The following ST7 variants were observed in gnomAD, a reference collection of about 807,000 sequenced individuals.
ST7 encodes the protein suppressor of tumorigenicity 7 protein.
In ST7, 28 loss-of-function variants were observed where a neutral mutation model predicts 78.7. That is an observed-to-expected ratio of 0.36 (90% CI 0.26 to 0.49). The LOEUF (loss-of-function observed/expected upper bound fraction) is 0.49. ST7 is among the 20% of genes least tolerant of loss of function. ST7 has a pLI of 0.99. For missense variants in ST7, 418 were observed against 696.0 expected (o/e 0.60, Z 4.49); for synonymous variants, 247 against 249.6 (o/e 0.99, Z 0.10).
At chr7:117,146,832 C>T (rs1012463433) in intron 9 of ST7, among the ~76,000 whole-genome samples, 25 of 152,270 alleles carry the variant, frequency 1.6e-4, no homozygotes, top group African/African-American at 5.5e-4. Context: ...CAGTTTTGAA[C>T]ATGTTACATT....
At chr7:116,968,477 G>A (rs894845016) in intron 1 of ST7, 10 of 447,732 alleles carry the variant, frequency 2.2e-5, no homozygotes, top group South Asian at 7.9e-5. Flanking sequence ...TGATTATTTC[G>A]ACTACGGGTG....
At chr7:117,182,606 G>C (rs567090989) in intron 10 of ST7, 1 of 152,262 alleles carries the variant, frequency 6.6e-6, no homozygotes, top group Non-Finnish European at 1.5e-5. Flanking sequence ...AGAATTGGAG[G>C]TGGGGGGTAT....
At chr7:116,972,576 G>T in intron 1 of ST7, 2 of 1,410,014 alleles carry the variant, frequency 1.4e-6, no homozygotes, top group Non-Finnish European at 2.0e-6. Context: ...TAGCTTCTTT[G>T]AGTTGAATTT....
At chr7:117,177,582 G>A (rs188731584) in intron 10 of ST7, among the ~76,000 whole-genome samples, 6 of 152,316 alleles carry the variant, frequency 3.9e-5, no homozygotes, top group African/African-American at 1.4e-4. Flanking sequence ...TGGCTTTGTA[G>A]CGTAAGACGA....
intron 1 of ST7, chr7:117,081,088 A>G (rs1474748672): frequency 2.0e-5 from 3 of 152,194 alleles, no homozygotes; most frequent in Non-Finnish European, 4.4e-5. Flanking sequence ...AAGAGAAAAT[A>G]AATTATATTA....
At chr7:116,978,595 C>A (rs1793809539) in intron 1 of ST7, among the ~76,000 whole-genome samples, 1 of 150,022 alleles carries the variant, frequency 6.7e-6, no homozygotes, top group African/African-American at 2.4e-5. Flanking sequence ...TCTATCTAAT[C>A]TATCTATCTA....
In ST7 at chr7:117,227,212, G is replaced by C. The variant is rs183822949; in HGVS notation, c.1639-2550G>C. 2.5e-3 allele frequency among the ~76,000 whole-genome samples: 377 copies of C among 152,320 alleles called. 3 individuals are homozygous for C. The highest frequency in any genetic ancestry group is 8.7e-3 in the African/African-American group (363 of 41,558). ...GTGTGTGTGCATCACCCAGAGTACA[G>C]ACTTTGAGCGATGCCTGTTATCTAG... On this transcript the variant is annotated intron_variant, in intron 15 of 15. Transcript: ENST00000323984.
chr7:117,228,711 A>T (rs1231349639), intron 15 of ST7, among the ~76,000 whole-genome samples: 1 of 152,136 alleles, frequency 6.6e-6, no homozygotes, highest in African/African-American at 2.4e-5. Context: ...AATATACTAA[A>T]TTTGCTTGAC....
rs776917716 is a variant in ST7, at chr7:117,136,051, A to G, written c.711-30A>G. ...CTATTACCATGTCCTTGGCTTTGTAATTGATGGTGGCTATTATCTGAATGA... is the reference window on the plus strand; with the variant it reads ...CTATTACCATGTCCTTGGCTTTGTAGTTGATGGTGGCTATTATCTGAATGA... On this transcript the variant is annotated intron_variant, in intron 7 of 15. Transcript: ENST00000323984. The G allele has an allele frequency of 2.2e-5, 36 of 1,609,170 alleles. No individual in the cohort carries two copies. The East Asian group carries it at 8.0e-4, about 36-fold the overall frequency.
At chr7:116,963,050 C>G (rs1437498753) in intron 1 of ST7, among the ~76,000 whole-genome samples, 1 of 152,198 alleles carries the variant, frequency 6.6e-6, no homozygotes, top group African/African-American at 2.4e-5. Flanking sequence ...GTCTTTTCCT[C>G]AGAAGGCTAT....
At chr7:117,208,570 G>A (rs993299874) in intron 12 of ST7, among the ~76,000 whole-genome samples, 5 of 152,070 alleles carry the variant, frequency 3.3e-5, no homozygotes, top group African/African-American at 7.2e-5. Context: ...GACACCAACC[G>A]TGCCAATGGG....
At chr7:117,041,386 T>A (rs1418784466) in intron 1 of ST7, among the ~76,000 whole-genome samples, 1 of 152,212 alleles carries the variant, frequency 6.6e-6, no homozygotes, top group Non-Finnish European at 1.5e-5. Flanking sequence ...GTCACTAAAT[T>A]AGCCAGAGCT....
intron 1 of ST7, among the ~76,000 whole-genome samples, chr7:116,997,676 G>A (rs1429651104): frequency 6.6e-6 from 1 of 152,128 alleles, no homozygotes; most frequent in East Asian, 1.9e-4. Flanking sequence ...CAAACCTTGA[G>A]CTAGACACAG....
At chr7:117,027,382 A>G (rs544767350) in intron 1 of ST7, among the ~76,000 whole-genome samples, 49 of 149,968 alleles carry the variant, frequency 3.3e-4, no homozygotes, top group Non-Finnish European at 6.3e-4. Context: ...AGAAGTTGTG[A>G]TGAGCCAAGA....
At chr7:117,021,332 A>G (rs1795903877) in intron 1 of ST7, among the ~76,000 whole-genome samples, 1 of 152,230 alleles carries the variant, frequency 6.6e-6, no homozygotes, top group African/African-American at 2.4e-5. Flanking sequence ...AAACTATGTG[A>G]GGATTATTTA....
rs553196218 is a variant in ST7 at position 117,203,393 on chromosome 7, G to A, written c.1255-6394G>A. ...TACTGAGATAATGCTTGGCATGTGT[G>A]TTAGTGTGTAATCAGTGTTGGCAGT... is the stretch of plus-strand genomic sequence containing the variant. On this transcript the variant is annotated intron_variant, in intron 12 of 15. Transcript: ENST00000323984. 2.0e-5 allele frequency among the ~76,000 whole-genome samples: 3 copies of A among 152,218 alleles called. No individual in the cohort carries two copies. In the South Asian group the frequency reaches 6.2e-4, roughly 32 times the overall value.
chr7:117,094,910 A>G (rs747414187), intron 1 of ST7, among the ~76,000 whole-genome samples: 2 of 152,074 alleles, frequency 1.3e-5, no homozygotes, highest in Non-Finnish European at 2.9e-5. Flanking sequence ...TATTATCTTA[A>G]TAACTTTTAT....
intron 1 of ST7, among the ~76,000 whole-genome samples, chr7:117,035,636 G>A (rs977082065): frequency 1.3e-4 from 19 of 151,982 alleles, no homozygotes; most frequent in African/African-American, 3.9e-4. Context: ...TTTAATAAGG[G>A]AAATATCTCC....
chr7:116,955,668 G>A (rs911890503), intron 1 of ST7, among the ~76,000 whole-genome samples: 3 of 152,046 alleles, frequency 2.0e-5, no homozygotes, highest in African/African-American at 7.3e-5. Flanking sequence ...TTTTCATCAG[G>A]TTAAATAATT....
Sources: allele counts gnomAD v4.1 joint callset (sites outside exome capture counted in the v4.1 genomes callset), GRCh38; gene constraint gnomAD v4.1.1; transcripts MANE v1.5; gene names NCBI Gene and HGNC (gene_info 2026-07-23, HGNC 2026-07-21).